Variants in ZNF609 observed in about 807,000 individuals in gnomAD.
ZNF609 encodes zinc finger protein 609.
Under a neutral mutation model 109.5 loss-of-function variants are expected in ZNF609, and 11 were observed. That is an observed-to-expected ratio of 0.10 (90% CI 0.06 to 0.17). ZNF609 has a LOEUF of 0.17. ZNF609 is among the 10% of genes least tolerant of loss of function. ZNF609 has a pLI of 1.00. For missense variants in ZNF609, 1,559 were observed against 1,772.4 expected (o/e 0.88, Z 2.16); for synonymous variants, 646 against 662.0 (o/e 0.98, Z 0.37).
At chr15:64,667,370 A>G (rs561511632) in intron 3 of ZNF609, among the ~76,000 whole-genome samples, 3 of 152,306 alleles carry the variant, frequency 2.0e-5, no homozygotes, top group Admixed American at 2.0e-4. Flanking sequence ...AACAAAAGCT[A>G]ATTCCAGATC....
intron 2 of ZNF609, among the ~76,000 whole-genome samples, chr15:64,578,579 G>A (rs1314492396): frequency 1.3e-5 from 2 of 152,154 alleles, no homozygotes; most frequent in African/African-American, 2.4e-5. Context: ...TGTAGTCCCA[G>A]CTACTCAGGA....
chr15:64,663,415 T>C (rs1398591705), intron 3 of ZNF609, among the ~76,000 whole-genome samples: 1 of 152,150 alleles, frequency 6.6e-6, no homozygotes, highest in African/African-American at 2.4e-5. Flanking sequence ...TTTTTGTTGT[T>C]CTTGGAGGAG....
At chr15:64,578,765 A>G (rs1281025758) in intron 2 of ZNF609, among the ~76,000 whole-genome samples, 1 of 152,220 alleles carries the variant, frequency 6.6e-6, no homozygotes. Flanking sequence ...TTGGGAGGCC[A>G]AGGCGCATGG....
chr15:64,532,666 A>C (rs943126888), intron 2 of ZNF609, among the ~76,000 whole-genome samples: 1 of 152,192 alleles, frequency 6.6e-6, no homozygotes, highest in Non-Finnish European at 1.5e-5. Flanking sequence ...CTGTGAGTGC[A>C]TTTGCAGGAC....
At chr15:64,585,402 A>G (rs1895179725) in intron 2 of ZNF609, among the ~76,000 whole-genome samples, 1 of 152,144 alleles carries the variant, frequency 6.6e-6, no homozygotes, top group South Asian at 2.1e-4. Context: ...TCTCTAATTC[A>G]CAATGGTCTT....
chr15:64,595,285 C>T (rs183454123), intron 2 of ZNF609, among the ~76,000 whole-genome samples: 113 of 149,906 alleles, frequency 7.5e-4, no homozygotes, highest in Middle Eastern at 6.9e-3. Context: ...CACTTGAACC[C>T]GGGAGGCAGA....
At chr15:64,490,440 G>A (rs954641892) in intron 1 of ZNF609, among the ~76,000 whole-genome samples, 5 of 151,766 alleles carry the variant, frequency 3.3e-5, no homozygotes, top group Non-Finnish European at 4.4e-5. Context: ...CACCTGGCTA[G>A]TTTTTGTATT....
chr15:64,546,934 G>A (rs1478895644), intron 2 of ZNF609, among the ~76,000 whole-genome samples: 1 of 151,782 alleles, frequency 6.6e-6, no homozygotes, highest in Non-Finnish European at 1.5e-5. Context: ...GGGACCACAG[G>A]CGCACGCCAC....
At chr15:64,610,804 A>G (rs1006185528) in intron 2 of ZNF609, among the ~76,000 whole-genome samples, 6 of 152,184 alleles carry the variant, frequency 3.9e-5, no homozygotes, top group Non-Finnish European at 5.9e-5. Flanking sequence ...GTTTTCTCAC[A>G]GGACTGACAG....
At chr15:64,550,341 T>TGTC (rs1462470192) in intron 2 of ZNF609, among the ~76,000 whole-genome samples, 1 of 151,906 alleles carries the variant, frequency 6.6e-6, no homozygotes, top group African/African-American at 2.4e-5. Context: ...TTGTTGTTGT[T>TGTC]GTTGTTGTTA....
chr15:64,622,807 A>G lies in ZNF609; in HGVS notation c.748-20A>G. 1 of 1,605,694 alleles carries G rather than the reference A, an allele frequency of 6.2e-7. No homozygotes were observed. The highest frequency in any genetic ancestry group is 8.5e-7 in the Non-Finnish European group (1 of 1,172,228). On this transcript the variant is annotated intron_variant, in intron 2 of 9. Transcript: ENST00000326648. ...ATGTTCTCCCTGCAACTCAGCTACT[A>G]CTTTTTCTTCCCTCCACAGATGGAG...
chr15:64,507,747 G>A (rs936540774), intron 2 of ZNF609, among the ~76,000 whole-genome samples: 5 of 152,164 alleles, frequency 3.3e-5, no homozygotes, highest in Non-Finnish European at 7.3e-5. Flanking sequence ...GTCTGTGCGT[G>A]GCAAAGCTGT....
rs148512780 is a variant in ZNF609 at position 64,676,324 on chromosome 15, G to T, written c.3402+68G>T. The T allele has an allele frequency of 7.1e-3, 10,398 of 1,459,264 alleles. 64 individuals are homozygous for T. The highest frequency in any genetic ancestry group is 7.7e-3 in the Middle Eastern group (40 of 5,222). 90.4% of individuals were successfully genotyped at this position (1,459,264 alleles called of 1,614,324 possible). ...TCGTCTATCTTCCTCACAAATAAGG[G>T]CTGTCCTTATACAGGGGTTCAACGG... is the stretch of plus-strand genomic sequence containing the variant. On this transcript the variant is annotated intron_variant, in intron 5 of 9. Coordinates refer to ENST00000326648, the MANE Select transcript of ZNF609 (RefSeq NM_015042.2).
chr15:64,529,267 C>G, intron 2 of ZNF609: 1 of 713,394 alleles, frequency 1.4e-6, no homozygotes, highest in Non-Finnish European at 2.6e-6. Context: ...TCATGGTTCA[C>G]GCCCATCACA....
chr15:64,614,254 G>C (rs1490588447), intron 2 of ZNF609, among the ~76,000 whole-genome samples: 1 of 133,986 alleles, frequency 7.5e-6, no homozygotes, highest in Non-Finnish European at 1.6e-5. Context: ...TTTTTGAGAC[G>C]GAGTCTTGCT....
intron 2 of ZNF609, among the ~76,000 whole-genome samples, chr15:64,586,786 C>G (rs984589726): frequency 2.0e-5 from 3 of 152,134 alleles, no homozygotes; most frequent in Non-Finnish European, 4.4e-5. Flanking sequence ...TTAAAGACAG[C>G]AAAAATCTTG....
intron 3 of ZNF609, among the ~76,000 whole-genome samples, chr15:64,630,080 C>T (rs1198574537): frequency 3.3e-5 from 5 of 150,508 alleles, no homozygotes; most frequent in African/African-American, 1.2e-4. Context: ...CATTACCATC[C>T]TCCTAATTTT....
chr15:64,675,744 C>A lies in ZNF609; in HGVS notation c.2890C>A (p.Arg964Ser). Reference sequence around the variant, plus strand: ...TCAGCAGCCCTCGGTCATCCAGCAGCGTCCCAATATGTACATGCAGTCCCT... The same window carrying A: ...TCAGCAGCCCTCGGTCATCCAGCAGAGTCCCAATATGTACATGCAGTCCCT... ...SSQQPSVIQQ[R>S]PNMYMQSLYY... is the part of the protein sequence containing the mutation. The change falls in exon 5 of 10, where the codon CGT becomes AGT. Residue 964 changes from arginine (R) to serine (S), a missense_variant. Arg to Ser is a moderately radical substitution (Grantham distance 110). Transcript: ENST00000326648. 3.7e-6 allele frequency: 6 copies of A among 1,614,164 alleles called. No homozygotes were observed. The highest frequency in any genetic ancestry group is 5.1e-6 in the Non-Finnish European group (6 of 1,180,048).
chr15:64,630,091 C>CTTTTTTTTTTT lies in ZNF609; in HGVS notation c.973+7045_973+7046insTTTTTTTTTTT, dbSNP rs200425813. Among the ~76,000 whole-genome samples the CTTTTTTTTTTT allele has an allele frequency of 9.1e-5, 13 of 143,086 alleles. 1 individual carries two copies. The highest frequency in any genetic ancestry group is 1.6e-4 in the African/African-American group (6 of 37,152). The allele number at this position is 143,086 out of a possible 152,430, so 93.9% of individuals were successfully genotyped here. A position where few individuals can be genotyped will look rare whatever the true frequency, so the allele number is the denominator to read the frequency against. ...CCTACATTACCATCCTCCTAATTTT[C>CTTTTTTTTTTT]TTTTTTCTTTTTTTTTTTTTTTTTG... On this transcript the variant is annotated intron_variant, in intron 3 of 9. Coordinates refer to ENST00000326648, the MANE Select transcript of ZNF609 (RefSeq NM_015042.2).
Sources: allele counts gnomAD v4.1 joint callset (sites outside exome capture counted in the v4.1 genomes callset), GRCh38; gene constraint gnomAD v4.1.1; transcripts MANE v1.5; gene names NCBI Gene and HGNC (gene_info 2026-07-23, HGNC 2026-07-21).